The following EHD4 variants were observed in gnomAD, a reference collection of about 807,000 sequenced individuals.
EHD4 encodes the protein EH domain-containing protein 4.
A neutral mutation model predicts 51.0 loss-of-function variants in EHD4; 37 were observed. The observed-to-expected ratio is 0.73, with a 90% CI of 0.56 to 0.95. The LOEUF (loss-of-function observed/expected upper bound fraction) is 0.95, where lower values mean the gene tolerates loss of function less well. EHD4 is among the 40% of genes least tolerant of loss of function. EHD4 has a pLI of 0.00. For missense variants in EHD4, 632 were observed against 733.1 expected (o/e 0.86, Z 1.59); for synonymous variants, 297 against 317.3 (o/e 0.94, Z 0.68).
At position 41,972,532 on chromosome 15, in the gene EHD4, G is replaced by C. The variant is rs1193047132; in HGVS notation, c.-38C>G. On this transcript the variant is annotated 5_prime_UTR_variant, in exon 1 of 6. Transcript: ENST00000220325. Reference sequence around the variant, plus strand: ...CCACGCTCGGATGGGACCCTGCTCCGGGTTCGACTCTCCCCGGCTCGCACT... The same window carrying C: ...CCACGCTCGGATGGGACCCTGCTCCCGGTTCGACTCTCCCCGGCTCGCACT... The C allele has an allele frequency of 5.5e-6, 8 of 1,450,892 alleles. No homozygotes were observed. The highest frequency in any genetic ancestry group is 5.1e-5 in the Admixed American group (2 of 38,874). The allele number at this position is 1,450,892 out of a possible 1,614,324, so 89.9% of individuals were successfully genotyped here.
In EHD4 at chr15:41,899,651, C is replaced by T. The variant is rs1207241811; in HGVS notation, c.*994G>A. 2 of 152,154 alleles carry T rather than the reference C, an allele frequency of 1.3e-5. No homozygotes were observed. Among genetic ancestry groups the T allele is most frequent in the African/African-American group, 4.8e-5 (2 of 41,410 alleles). The allele number at this position is 152,154 out of a possible 1,614,324, so 9.4% of individuals were successfully genotyped here. A position where few individuals can be genotyped will look rare whatever the true frequency, so the allele number is the denominator to read the frequency against. On this transcript the variant is annotated 3_prime_UTR_variant, in exon 6 of 6. Coordinates refer to ENST00000220325, the MANE Select transcript of EHD4 (RefSeq NM_139265.4). ...ACCTGTGTCCACAGGGCCGAAGACA[C>T]TGCACACACTAGGACAGGATTTGAT...
chr15:41,916,219 TAGATTAAC>T (rs1447128749), intron 4 of EHD4, among the ~76,000 whole-genome samples: 3 of 152,210 alleles, frequency 2.0e-5, no homozygotes, highest in Non-Finnish European at 2.9e-5. Context: ...ATGGAATAAA[TAGATTAAC>T]AGATCAGTGC....
At chr15:41,971,747 C>A (rs1002552833) in intron 1 of EHD4, among the ~76,000 whole-genome samples, 1 of 152,214 alleles carries the variant, frequency 6.6e-6, no homozygotes, top group Non-Finnish European at 1.5e-5. Flanking sequence ...CTCCCCACAA[C>A]ACTGTGGGGT....
At chr15:41,922,705 A>G (rs1051575259) in intron 3 of EHD4, among the ~76,000 whole-genome samples, 8 of 152,250 alleles carry the variant, frequency 5.3e-5, no homozygotes, top group African/African-American at 1.7e-4. Flanking sequence ...AAAAGATGCC[A>G]TTTCAATGCT....
At chr15:41,946,505 G>C (rs974932229) in intron 2 of EHD4, among the ~76,000 whole-genome samples, 1 of 152,120 alleles carries the variant, frequency 6.6e-6, no homozygotes, top group African/African-American at 2.4e-5. Flanking sequence ...GAGTGGGGAC[G>C]ATCTCTTGAA....
intron 3 of EHD4, among the ~76,000 whole-genome samples, chr15:41,931,834 G>A (rs1335675390): frequency 2.6e-5 from 4 of 151,902 alleles, no homozygotes; most frequent in East Asian, 3.9e-4. Context: ...ACGCCACCAC[G>A]CCTGGCTAAT....
Position 41,900,973 on chromosome 15 carries a change from G to A in EHD4, c.1298C>T (p.Ala433Val). Residue 433 changes from alanine to valine, a missense_variant, in exon 6 of 6, where the codon GCC (alanine) becomes GTC (valine). By Grantham distance (64) the Ala-to-Val change is moderately conservative. Coordinates refer to ENST00000220325, the MANE Select transcript of EHD4 (RefSeq NM_139265.4). This position sits in a 1 kb window ranked among gnomAD's most constrained non-coding sequence, Gnocchi z 4.8. Reference protein sequence around the residue: ...GPFNQGYGEGAKEGADEEEWV... With the variant: ...GPFNQGYGEGVKEGADEEEWV... ...CTCCTCCTCGTCGGCGCCCTCCTTG[G>A]CACCCTCCCCGTAGCCCTGGTTGAA... 1 of 1,611,382 alleles carries A rather than the reference G, an allele frequency of 6.2e-7. No individual in the cohort carries two copies. The highest frequency in any genetic ancestry group is 2.2e-5 in the East Asian group (1 of 44,802).
At chr15:41,941,735 T>G (rs1162371439) in intron 3 of EHD4, 1 of 152,070 alleles carries the variant, frequency 6.6e-6, no homozygotes, top group African/African-American at 2.4e-5. Context: ...AGCCCCGAGC[T>G]CTCTGCGGGA....
At chr15:41,931,083 A>C (rs1257493791) in intron 3 of EHD4, among the ~76,000 whole-genome samples, 1 of 152,240 alleles carries the variant, frequency 6.6e-6, no homozygotes, top group East Asian at 1.9e-4. Flanking sequence ...TTTGATTCCA[A>C]AATTCCACCT....
chr15:41,908,485 C>G (rs1055029587), intron 5 of EHD4: 4 of 152,208 alleles, frequency 2.6e-5, no homozygotes, highest in Admixed American at 2.0e-4. Context: ...GGCTTCAATG[C>G]TGTCACTCTG....
Position 41,919,286 on chromosome 15 carries a change from C to G in EHD4, c.848G>C (p.Arg283Thr), listed in dbSNP as rs558285342. The G allele has an allele frequency of 2.7e-5, 44 of 1,614,184 alleles. No homozygotes were observed. In the Admixed American group the frequency reaches 4.3e-4, roughly 16 times the overall value. The change falls in exon 4 of 6, where the codon AGA (arginine) becomes ACA (threonine). Residue 283 changes from arginine (R) to threonine (T), a missense_variant. Arg to Thr is a moderately conservative substitution (Grantham distance 71). Transcript: ENST00000220325. ...LFEAEAQDLF[R>T]DIQSLPQKAA... ...CTTCTGGGGGAGGCTCTGGATGTCT[C>G]TAAAGAGGTCCTGGGCCTCAGCCTC...
At chr15:41,962,327 C>G (rs765012152) in intron 1 of EHD4, among the ~76,000 whole-genome samples, 1 of 151,726 alleles carries the variant, frequency 6.6e-6, no homozygotes, top group Non-Finnish European at 1.5e-5. Context: ...GAGTAATGCA[C>G]GCAGAAGAGT....
Position 41,925,019 on chromosome 15 carries a change from C to T in EHD4, c.512-5397G>A, listed in dbSNP as rs556093372. 1.7e-4 allele frequency among the ~76,000 whole-genome samples: 26 copies of T among 150,970 alleles called. No homozygotes were observed. In the East Asian group the frequency reaches 2.5e-3, roughly 15 times the overall value. ...AGGCTGCAGTGAGCCGAGACTGTGC[C>T]GCTGTACTCCAGCCTGGGTGACAGC... On this transcript the variant is annotated intron_variant, in intron 3 of 5. Coordinates refer to ENST00000220325, the MANE Select transcript of EHD4 (RefSeq NM_139265.4).
At chr15:41,917,223 C>A (rs1164192161) in intron 4 of EHD4, among the ~76,000 whole-genome samples, 1 of 151,970 alleles carries the variant, frequency 6.6e-6, no homozygotes, top group Non-Finnish European at 1.5e-5. Flanking sequence ...TGGGTTCAAG[C>A]GATTCTCCTG....
intron 3 of EHD4, among the ~76,000 whole-genome samples, chr15:41,922,571 G>A (rs62002149): frequency 0.16 from 24,202 of 152,236 alleles, 2,492 homozygotes; most frequent in Non-Finnish European, 0.23. Context: ...CAACCCAGCC[G>A]TGCAGATGCA....
rs2140984491 is a variant in EHD4, at chr15:41,909,713, C to T, written c.1075G>A (p.Val359Ile). The T allele has an allele frequency of 1.2e-6, 2 of 1,614,186 alleles. No individual in the cohort carries two copies. Among genetic ancestry groups the T allele is most frequent in the African/African-American group, 1.3e-5 (1 of 75,056 alleles). Residue 359 changes from valine (V) to isoleucine (I), a missense_variant, in exon 5 of 6, where the codon GTC becomes ATC. Physicochemically the swap from Val to Ile is conservative, Grantham distance 29. Transcript: ENST00000220325. The stretch of plus-strand genomic sequence containing the variant: ...GCTCCCAGTACCTGCATAGCCTTGA[C>T]CTCAGGGAAGTCCCCTGCAGAAATC... Reference protein sequence around the residue: ...YQISAGDFPEVKAMQEQLENY... With the variant: ...YQISAGDFPEIKAMQEQLENY...
rs758765062 is a variant in EHD4, at chr15:41,900,695, G to A, written c.1576C>T (p.Pro526Ser). Residue 526 changes from proline (P) to serine (S), a missense_variant, in exon 6 of 6, where the codon CCC (proline) becomes TCC (serine). By Grantham distance (74) the Pro-to-Ser change is moderately conservative. Transcript: ENST00000220325. The surrounding 1 kb of genome is among the most constrained non-coding windows in gnomAD (Gnocchi z 4.8). ...CTGTGCGAGGGGGGCACGAGGTGGG[G>A]GGGCAGGCTGCTGGGCAGCTCGTAG... ...DGYELPSSLP[P>S]HLVPPSHRKS... The A allele has an allele frequency of 6.2e-7, 1 of 1,606,570 alleles. No homozygotes were observed. The highest frequency in any genetic ancestry group is 8.5e-7 in the Non-Finnish European group (1 of 1,179,222).
rs16972280 is a variant in EHD4, at chr15:41,925,422, C to T, written c.512-5800G>A. On this transcript the variant is annotated intron_variant, in intron 3 of 5. Coordinates refer to ENST00000220325, the MANE Select transcript of EHD4 (RefSeq NM_139265.4). ...TGAGAATGCTCCAAGTTTGTGAGAA[C>T]TGGTTTCAGCTAGGCACAATGCAAC... Among the ~76,000 whole-genome samples the T allele has an allele frequency of 9.8e-3, 1,489 of 152,320 alleles. 26 individuals are homozygous for T. Among genetic ancestry groups the T allele is most frequent in the African/African-American group, 0.033 (1,392 of 41,562 alleles).
At chr15:41,929,636 T>C (rs1247216214) in intron 3 of EHD4, among the ~76,000 whole-genome samples, 3 of 149,348 alleles carry the variant, frequency 2.0e-5, no homozygotes, top group Non-Finnish European at 4.4e-5. Context: ...GAGAGGGAAG[T>C]TGGTAAAAAA....
Sources: gnomAD v4.1 joint callset for allele counts (sites outside exome capture counted in the v4.1 genomes callset) on GRCh38, gnomAD v4.1.1 for gene constraint, Gnocchi (gnomAD v3.1) non-coding constraint, MANE v1.5 for transcripts, NCBI Gene and HGNC (gene_info 2026-07-23, HGNC 2026-07-21) for gene names.